The following GRID2IP variants were observed in gnomAD, a reference collection of about 807,000 sequenced individuals.
GRID2IP encodes Grid2 interacting protein.
GRID2IP carries 78 observed loss-of-function variants against 114.3 expected under a neutral mutation model. The observed-to-expected ratio is 0.68, with a 90% CI of 0.57 to 0.82. GRID2IP has a LOEUF of 0.82. GRID2IP is among the 40% of genes least tolerant of loss of function. GRID2IP has a pLI of 0.00. For missense variants in GRID2IP, 1,727 were observed against 1,678.5 expected (o/e 1.03, Z -0.51); for synonymous variants, 809 against 724.0 (o/e 1.12, Z -1.89).
rs1275273220 is a variant in GRID2IP at position 6,511,018 on chromosome 7, T to C, written c.1445A>G (p.Asp482Gly). 1.3e-6 allele frequency: 2 copies of C among 1,485,488 alleles called. No homozygotes were observed. Among genetic ancestry groups the C allele is most frequent in the South Asian group, 1.3e-5 (1 of 77,622 alleles). 92.0% of individuals were successfully genotyped at this position (1,485,488 alleles called of 1,614,324 possible). Residue 482 changes from aspartate (D) to glycine (G), a missense_variant, in exon 9 of 22, where the codon GAC becomes GGC. Transcript: ENST00000457091. ...CTCAGGCGTGGGCTCGGACTCCAGG[T>C]CCAGCTCAGGCTCCGGCTCTGCTGT... ...AMTAEPEPEL[D>G]LESEPTPEPQ...
chr7:6,513,094 G>A (rs767824830), intron 8 of GRID2IP, among the ~76,000 whole-genome samples: 1 of 152,174 alleles, frequency 6.6e-6, no homozygotes, highest in Non-Finnish European at 1.5e-5. Context: ...ACAGGTGGCA[G>A]CCACACATGG....
At chr7:6,548,580 GTAAT>G (rs1779920981) in intron 1 of GRID2IP, among the ~76,000 whole-genome samples, 1 of 152,074 alleles carries the variant, frequency 6.6e-6, no homozygotes, top group East Asian at 1.9e-4. Flanking sequence ...GCTCACGCCT[GTAAT>G]CCCAGCACTC....
intron 1 of GRID2IP, among the ~76,000 whole-genome samples, chr7:6,546,500 C>T (rs1482228281): frequency 7.4e-5 from 11 of 147,808 alleles, no homozygotes; most frequent in African/African-American, 1.5e-4. Flanking sequence ...ACCCAGGAGG[C>T]GGAGGTTGCA....
In GRID2IP at chr7:6,526,838, G is replaced by A. The variant is rs1028695836; in HGVS notation, c.585-69C>T. On this transcript the variant is annotated intron_variant, in intron 2 of 21. Coordinates refer to ENST00000457091, the MANE Select transcript of GRID2IP (RefSeq NM_001145118.2). This position sits in a 1 kb window ranked among gnomAD's most constrained non-coding sequence, Gnocchi z 7.6. ...GGATCTCTGCAAACCGCGGCCCGAA[G>A]GCGCGTCCTCGCGGGCGCCGCCCTA... 6 of 1,396,224 alleles carry A rather than the reference G, an allele frequency of 4.3e-6. No individual in the cohort carries two copies. Among genetic ancestry groups the A allele is most frequent in the Non-Finnish European group, 5.6e-6 (6 of 1,075,088 alleles). The allele number at this position is 1,396,224 out of a possible 1,614,324, so 86.5% of individuals were successfully genotyped here. A position where few individuals can be genotyped will look rare whatever the true frequency, so the allele number is the denominator to read the frequency against.
chr7:6,502,602 C>G (rs750551288), intron 18 of GRID2IP, among the ~76,000 whole-genome samples, 184 bp downstream of exon 18: 9 of 150,100 alleles, frequency 6.0e-5, no homozygotes, highest in Non-Finnish European at 1.3e-4. Context: ...CCACCCCACC[C>G]CACCCCACCC....
At chr7:6,530,974 T>C in intron 2 of GRID2IP, 1 of 590,766 alleles carries the variant, frequency 1.7e-6, no homozygotes. Flanking sequence ...CCCTCCACGC[T>C]CCAGCCCCAC....
chr7:6,504,637 T>C (rs553387069), intron 15 of GRID2IP, among the ~76,000 whole-genome samples, 156 bp downstream of exon 15: 11 of 152,070 alleles, frequency 7.2e-5, no homozygotes, highest in Non-Finnish European at 1.6e-4. Context: ...GGGATCTGGC[T>C]GGCTATGGGG....
At position 6,540,687 on chromosome 7, in the gene GRID2IP, A is replaced by ATTTTTT. The variant is rs34930808; in HGVS notation, c.430-821_430-816dup. The stretch of plus-strand genomic sequence containing the variant: ...AGGCACCTGTGACCACACCTGGCTA[A>ATTTTTT]TTTTTTTTTTTTTTTTTTTTTTTAG... On this transcript the variant is annotated intron_variant, in intron 1 of 21. Coordinates refer to ENST00000457091, the MANE Select transcript of GRID2IP (RefSeq NM_001145118.2). Among the ~76,000 whole-genome samples the ATTTTTT allele has an allele frequency of 1.8e-3, 163 of 92,244 alleles. 7 individuals are homozygous for ATTTTTT. Among genetic ancestry groups the ATTTTTT allele is most frequent in the African/African-American group, 6.7e-3 (145 of 21,550 alleles). 60.5% of individuals were successfully genotyped at this position (92,244 alleles called of 152,430 possible).
intron 2 of GRID2IP, among the ~76,000 whole-genome samples, chr7:6,538,041 G>A (rs1324399327): frequency 2.0e-5 from 3 of 152,176 alleles, no homozygotes; most frequent in South Asian, 2.1e-4. Context: ...TGTTCCTCTA[G>A]TGTCTGCTGA....
Position 6,510,335 on chromosome 7 carries a change from G to A in GRID2IP, c.1719C>T (p.Thr573=), listed in dbSNP as rs964616065. 9 of 1,547,334 alleles carry A rather than the reference G, an allele frequency of 5.8e-6. No homozygotes were observed. The highest frequency in any genetic ancestry group is 4.9e-5 in the East Asian group (2 of 40,734). The part of the protein sequence containing the change: ...LNSSFKGKMG[T]VSKSRASPPG... The stretch of plus-strand genomic sequence containing the variant: ...GAGGGGAAGCCCGGGATTTGGACAC[G>A]GTCCCCATCTTCCCTTTGAAGCTGC... Residue 573 remains threonine, a synonymous_variant, in exon 11 of 22, where the codon ACC becomes ACT. Transcript: ENST00000457091.
intron 20 of GRID2IP, 62 bp downstream of exon 20, chr7:6,501,719 C>T: frequency 1.6e-6 from 2 of 1,251,832 alleles, no homozygotes; most frequent in Non-Finnish European, 2.3e-6. Context: ...GGAGCCACAG[C>T]CAGCTCTACC....
At chr7:6,512,141 T>C (rs1282504422) in intron 8 of GRID2IP, among the ~76,000 whole-genome samples, 1 of 149,968 alleles carries the variant, frequency 6.7e-6, no homozygotes, top group African/African-American at 2.5e-5. Flanking sequence ...GGTCTTCAAC[T>C]CCTAACCTCA....
At position 6,508,891 on chromosome 7, in the gene GRID2IP, A is replaced by G. The variant is rs1583336389; in HGVS notation, c.2127+67T>C. On this transcript the variant is annotated intron_variant, in intron 12 of 21. Transcript: ENST00000457091. This position sits in a 1 kb window ranked among gnomAD's most constrained non-coding sequence, Gnocchi z 5.6. Reference sequence around the variant, plus strand: ...AGGCCCCTTGCGGGAGCCCAGGAACACTGTTGCCTTGCAGACCGCCACACC... The same window carrying G: ...AGGCCCCTTGCGGGAGCCCAGGAACGCTGTTGCCTTGCAGACCGCCACACC... 1 of 1,497,698 alleles carries G rather than the reference A, an allele frequency of 6.7e-7. No individual in the cohort carries two copies. The highest frequency in any genetic ancestry group is 2.1e-5 in the Admixed American group (1 of 47,260). The allele number at this position is 1,497,698 out of a possible 1,614,324, so 92.8% of individuals were successfully genotyped here.
chr7:6,501,519 T>A (rs1234722363), intron 20 of GRID2IP, among the ~76,000 whole-genome samples: 4 of 152,158 alleles, frequency 2.6e-5, no homozygotes, highest in Non-Finnish European at 5.9e-5. Flanking sequence ...CTGGGCAACA[T>A]GGCAAAACCT....
Position 6,521,529 on chromosome 7 carries a change from A to C in GRID2IP, c.990-6T>G. ...CCTTGTCGTGGGAGCAGTTCCTGCC[A>C]AGCAGAGATGGCCCAGGAGGGCCTG... On this transcript the variant is annotated splice_region_variant and splice_polypyrimidine_tract_variant and intron_variant, in intron 5 of 21. Coordinates refer to ENST00000457091, the MANE Select transcript of GRID2IP (RefSeq NM_001145118.2). This position sits in a 1 kb window ranked among gnomAD's most constrained non-coding sequence, Gnocchi z 4.1. The C allele has an allele frequency of 1.3e-6, 2 of 1,539,598 alleles. No homozygotes were observed. Among genetic ancestry groups the C allele is most frequent in the Non-Finnish European group, 1.8e-6 (2 of 1,140,428 alleles).
chr7:6,537,302 G>T (rs1779742462), intron 2 of GRID2IP, among the ~76,000 whole-genome samples: 1 of 150,536 alleles, frequency 6.6e-6, no homozygotes, highest in East Asian at 2.0e-4. Context: ...CCAGCATTTT[G>T]GGAGGCTGAG....
At position 6,532,345 on chromosome 7, in the gene GRID2IP, C is replaced by T. The variant is rs568961313; in HGVS notation, c.585-5576G>A. 8.5e-5 allele frequency among the ~76,000 whole-genome samples: 13 copies of T among 152,228 alleles called. No individual in the cohort carries two copies. In the South Asian group the frequency reaches 2.7e-3, roughly 32 times the overall value. On this transcript the variant is annotated intron_variant, in intron 2 of 21. Transcript: ENST00000457091. The surrounding 1 kb of genome is among the most constrained non-coding windows in gnomAD (Gnocchi z 4.4). ...CGGGAACAGGAGAGGCAAGATGCCC[C>T]GGGGACTTTCCCTCTGTCTCACTCA...
chr7:6,498,969 G>A (rs1786338816), intron 20 of GRID2IP, among the ~76,000 whole-genome samples: 3 of 152,182 alleles, frequency 2.0e-5, no homozygotes, highest in Non-Finnish European at 2.9e-5. Flanking sequence ...GTGAAAGCTC[G>A]CTCCCTCCTT....
chr7:6,544,735 G>A (rs1188395535), intron 1 of GRID2IP, among the ~76,000 whole-genome samples: 1 of 152,120 alleles, frequency 6.6e-6, no homozygotes, highest in Non-Finnish European at 1.5e-5. Context: ...AGGATCACTT[G>A]AGGCCAGGAG....
Sources: allele counts gnomAD v4.1 joint callset (sites outside exome capture counted in the v4.1 genomes callset), GRCh38; gene constraint gnomAD v4.1.1; non-coding constraint Gnocchi (gnomAD v3.1); transcripts MANE v1.5; gene names NCBI Gene and HGNC (gene_info 2026-07-23, HGNC 2026-07-21).